ACVR1: variants seen among roughly 807,000 people sequenced by gnomAD.
The protein encoded by ACVR1 is activin receptor type-1.
In ACVR1, 38 loss-of-function variants were observed where a neutral mutation model predicts 57.1. The observed-to-expected ratio is 0.67, with a 90% CI of 0.51 to 0.87. The LOEUF is 0.87. Ranked by LOEUF, ACVR1 falls within the 40% of genes least tolerant of loss-of-function variation. The pLI, the probability that ACVR1 is intolerant of heterozygous loss-of-function variation, is 0.00. For missense variants in ACVR1, 463 were observed against 638.2 expected, an observed-to-expected ratio of 0.73 and a Z score of 2.96; for synonymous variants, 212 against 228.1, an observed-to-expected ratio of 0.93 and a Z score of 0.63.
intron 9 of ACVR1, among the ~76,000 whole-genome samples, chr2:157,754,347 G>T (rs1685333620): frequency 6.6e-6 from 1 of 152,126 alleles, no homozygotes; most frequent in Non-Finnish European, 1.5e-5. Context: ...AAATAAAAGT[G>T]ATAGGCCATT....
intron 2 of ACVR1, among the ~76,000 whole-genome samples, chr2:157,817,705 A>G (rs1468868301): frequency 6.6e-6 from 1 of 152,162 alleles, no homozygotes; most frequent in African/African-American, 2.4e-5. Context: ...GTCTATTTTA[A>G]AAGAAAAAAT....
intron 1 of ACVR1, among the ~76,000 whole-genome samples, chr2:157,854,856 T>C (rs1042831123): frequency 6.6e-6 from 1 of 151,542 alleles, no homozygotes; most frequent in Non-Finnish European, 1.5e-5. Context: ...CTGGTCAACA[T>C]GGTAAAACCC....
At position 157,875,958 on chromosome 2, in the gene ACVR1, CCG is replaced by C. The variant is rs1690278478; in HGVS notation, c.-347_-346del. ...GGGGCCGGGAGCCGGGGGCCGAGGG[CCG>C]GCCCAGAGCGGCGGCGGCTGCGGTG... On this transcript the variant is annotated 5_prime_UTR_variant, in exon 1 of 11. Coordinates refer to ENST00000434821, the MANE Select transcript of ACVR1 (RefSeq NM_001111067.4). 6.7e-6 allele frequency: 1 copy of C among 149,124 alleles called. No individual in the cohort carries two copies. The highest frequency in any genetic ancestry group is 1.5e-5 in the Non-Finnish European group (1 of 66,968). 9.2% of individuals were successfully genotyped at this position (149,124 alleles called of 1,614,324 possible).
chr2:157,775,346 C>A (rs933490680), intron 5 of ACVR1, among the ~76,000 whole-genome samples: 4 of 152,140 alleles, frequency 2.6e-5, no homozygotes, highest in Admixed American at 6.5e-5. Context: ...CAGCATAAGC[C>A]AAGAAGCAGG....
At chr2:157,754,729 G>A (rs1574022615) in intron 9 of ACVR1, among the ~76,000 whole-genome samples, 3 of 152,104 alleles carry the variant, frequency 2.0e-5, no homozygotes, top group African/African-American at 7.2e-5. Flanking sequence ...GCAAGATAGA[G>A]AAAGAGGGAA....
At chr2:157,864,314 A>C (rs1391938082) in intron 1 of ACVR1, among the ~76,000 whole-genome samples, 1 of 151,276 alleles carries the variant, frequency 6.6e-6, no homozygotes, top group East Asian at 2.0e-4. Flanking sequence ...CTGTTCAAGT[A>C]ATCCTCCCAC....
intron 2 of ACVR1, among the ~76,000 whole-genome samples, chr2:157,817,415 T>C (rs569622095): frequency 1.1e-3 from 161 of 152,172 alleles, no homozygotes; most frequent in Non-Finnish European, 2.0e-3. Context: ...CGGAGATCTT[T>C]AGGGCACTGA....
At chr2:157,783,231 A>G (rs960357904) in intron 3 of ACVR1, among the ~76,000 whole-genome samples, 1 of 152,236 alleles carries the variant, frequency 6.6e-6, no homozygotes, top group African/African-American at 2.4e-5. Flanking sequence ...TCTCAAAATA[A>G]ACTGTTTTTA....
intron 9 of ACVR1, among the ~76,000 whole-genome samples, chr2:157,759,873 T>C (rs1444948192): frequency 6.6e-6 from 1 of 151,908 alleles, no homozygotes; most frequent in Non-Finnish European, 1.5e-5. Flanking sequence ...GCAGAAAAAG[T>C]TCTGTGTCTA....
At chr2:157,785,908 G>A (rs1311704648) in intron 3 of ACVR1, among the ~76,000 whole-genome samples, 1 of 152,118 alleles carries the variant, frequency 6.6e-6, no homozygotes, top group Non-Finnish European at 1.5e-5. Context: ...CACACTCAAA[G>A]TAGAGACCAG....
intron 3 of ACVR1, among the ~76,000 whole-genome samples, chr2:157,794,526 T>A (rs1213448559): frequency 2.6e-5 from 4 of 151,502 alleles, no homozygotes; most frequent in Non-Finnish European, 2.9e-5. Flanking sequence ...CAAAAAAAAA[T>A]GAAAAATTTT....
intron 1 of ACVR1, among the ~76,000 whole-genome samples, chr2:157,846,939 C>T (rs553457322): frequency 6.6e-6 from 1 of 152,196 alleles, no homozygotes. Flanking sequence ...AGTTATATTC[C>T]TCTATTATAA....
At chr2:157,750,851 G>T (rs1428209036) in intron 9 of ACVR1, among the ~76,000 whole-genome samples, 1 of 151,620 alleles carries the variant, frequency 6.6e-6, no homozygotes, top group African/African-American at 2.4e-5. Flanking sequence ...AAATAAATTG[G>T]AAAAACAATT....
intron 1 of ACVR1, among the ~76,000 whole-genome samples, chr2:157,844,949 A>G (rs1421212090): frequency 6.6e-6 from 1 of 152,200 alleles, no homozygotes; most frequent in African/African-American, 2.4e-5. Context: ...AATCCTGCCC[A>G]CACCTTTATC....
intron 9 of ACVR1, among the ~76,000 whole-genome samples, chr2:157,758,766 A>G (rs1685526169): frequency 6.6e-6 from 1 of 151,962 alleles, no homozygotes; most frequent in South Asian, 2.1e-4. Flanking sequence ...TCATCAGCAC[A>G]TGAATAGACC....
chr2:157,766,489 C>G (rs1357816574), intron 7 of ACVR1, among the ~76,000 whole-genome samples: 1 of 152,080 alleles, frequency 6.6e-6, no homozygotes, highest in East Asian at 1.9e-4. Context: ...TTGTGCTCAC[C>G]CATAATGATA....
chr2:157,806,098 G>A (rs943914703), intron 2 of ACVR1, among the ~76,000 whole-genome samples: 7 of 151,936 alleles, frequency 4.6e-5, no homozygotes, highest in Non-Finnish European at 7.4e-5. Context: ...AAAGTGCTGG[G>A]ATTACAGGTG....
chr2:157,749,071 A>G (rs976028974), intron 9 of ACVR1, among the ~76,000 whole-genome samples: 1 of 152,242 alleles, frequency 6.6e-6, no homozygotes, highest in Non-Finnish European at 1.5e-5. Flanking sequence ...GAATAGTTTC[A>G]GACACATGCT....
chr2:157,813,257 T>C (rs574438855), intron 2 of ACVR1, among the ~76,000 whole-genome samples: 3 of 151,194 alleles, frequency 2.0e-5, no homozygotes, highest in African/African-American at 7.3e-5. Flanking sequence ...GGCAGACAGA[T>C]TAATGAAACT....
Sources: gnomAD v4.1 joint callset for allele counts (sites outside exome capture counted in the v4.1 genomes callset) on GRCh38, gnomAD v4.1.1 for gene constraint, MANE v1.5 for transcripts, NCBI Gene and HGNC (gene_info 2026-07-23, HGNC 2026-07-21) for gene names.